NPAS3: variants seen among roughly 807,000 people sequenced by gnomAD.
The protein encoded by NPAS3 is neuronal PAS domain-containing protein 3.
NPAS3 carries 14 observed loss-of-function variants against 73.1 expected under a neutral mutation model. That is an observed-to-expected ratio of 0.19 (90% CI 0.13 to 0.30). The LOEUF (loss-of-function observed/expected upper bound fraction) is 0.30. Ranked by LOEUF, NPAS3 falls within the 10% of genes least tolerant of loss-of-function variation. NPAS3 has a pLI of 1.00. For missense variants in NPAS3, 1,096 were observed against 1,250.0 expected, an observed-to-expected ratio of 0.88 and a Z score of 1.86; for synonymous variants, 620 against 541.5, an observed-to-expected ratio of 1.14 and a Z score of -2.01.
At chr14:33,036,679 T>G (rs1309480844) in intron 1 of NPAS3, among the ~76,000 whole-genome samples, 4 of 152,164 alleles carry the variant, frequency 2.6e-5, no homozygotes, top group Non-Finnish European at 5.9e-5. Context: ...TTAGTCGTCA[T>G]ATAGTATGGA....
chr14:32,941,888 T>C (rs772962981), intron 1 of NPAS3, among the ~76,000 whole-genome samples: 13 of 152,208 alleles, frequency 8.5e-5, no homozygotes, highest in Non-Finnish European at 1.5e-4. Context: ...GGGTTCACTT[T>C]GTTGTCAGGG....
intron 7 of NPAS3, 115 bp downstream of exon 7, chr14:33,735,447 C>A: frequency 2.7e-6 from 2 of 733,732 alleles, no homozygotes; most frequent in Admixed American, 2.0e-5. Context: ...TCTTGAGGAG[C>A]CCATAGGATT....
At chr14:32,982,460 A>G (rs1566430091) in intron 1 of NPAS3, among the ~76,000 whole-genome samples, 1 of 152,150 alleles carries the variant, frequency 6.6e-6, no homozygotes, top group Non-Finnish European at 1.5e-5. Flanking sequence ...CTGTAATCCC[A>G]GCACTTAGGG....
intron 1 of NPAS3, among the ~76,000 whole-genome samples, chr14:33,037,115 A>T (rs2040195340): frequency 6.6e-6 from 1 of 152,198 alleles, no homozygotes; most frequent in Non-Finnish European, 1.5e-5. Context: ...AGTAGGGGAA[A>T]TATAAAAACA....
intron 4 of NPAS3, among the ~76,000 whole-genome samples, chr14:33,400,625 C>G (rs1210972934): frequency 1.3e-5 from 2 of 152,054 alleles, no homozygotes; most frequent in Non-Finnish European, 2.9e-5. Context: ...TTTAGATAAA[C>G]AACATAACCA....
At chr14:33,019,842 T>C (rs903253929) in intron 1 of NPAS3, among the ~76,000 whole-genome samples, 1 of 152,234 alleles carries the variant, frequency 6.6e-6, no homozygotes, top group Admixed American at 6.5e-5. Context: ...TTTGAATAGA[T>C]ATGGAGAATG....
chr14:33,447,148 G>A (rs780616007), intron 4 of NPAS3, among the ~76,000 whole-genome samples: 9 of 152,222 alleles, frequency 5.9e-5, no homozygotes, highest in East Asian at 1.9e-4. Flanking sequence ...GCAAAAGGCC[G>A]TTGGGGCCTA....
chr14:33,200,718 A>G (rs1277501695), intron 2 of NPAS3, among the ~76,000 whole-genome samples: 1 of 152,198 alleles, frequency 6.6e-6, no homozygotes, highest in Non-Finnish European at 1.5e-5. Flanking sequence ...TGAAAGGAAG[A>G]TCTGGCAACT....
intron 1 of NPAS3, among the ~76,000 whole-genome samples, chr14:32,966,519 G>T (rs1198412018): frequency 1.3e-5 from 2 of 152,040 alleles, no homozygotes; most frequent in African/African-American, 4.8e-5. Context: ...AAAACTAGAC[G>T]GTTCTCTCTC....
intron 7 of NPAS3, among the ~76,000 whole-genome samples, chr14:33,753,411 C>T (rs1177160971): frequency 1.3e-5 from 2 of 148,558 alleles, no homozygotes; most frequent in Non-Finnish European, 3.0e-5. Flanking sequence ...CTCAAAAGAA[C>T]ATTCCCAAGC....
At chr14:33,757,394 G>A (rs1279479123) in intron 7 of NPAS3, among the ~76,000 whole-genome samples, 1 of 152,164 alleles carries the variant, frequency 6.6e-6, no homozygotes, top group Non-Finnish European at 1.5e-5. Flanking sequence ...GGGGAACTGA[G>A]GCTCATAGAG....
At chr14:33,018,974 T>A (rs990321645) in intron 1 of NPAS3, among the ~76,000 whole-genome samples, 2 of 152,214 alleles carry the variant, frequency 1.3e-5, no homozygotes, top group Non-Finnish European at 1.5e-5. Context: ...CTACTTGATA[T>A]GTATCAAATA....
chr14:33,039,804 C>A (rs188001864), intron 1 of NPAS3, among the ~76,000 whole-genome samples: 49 of 152,346 alleles, frequency 3.2e-4, no homozygotes, highest in Non-Finnish European at 2.8e-4. Flanking sequence ...CATGTGCAGA[C>A]TGCACACAGG....
At chr14:33,731,755 C>T (rs933108224) in intron 6 of NPAS3, among the ~76,000 whole-genome samples, 2 of 152,162 alleles carry the variant, frequency 1.3e-5, no homozygotes, top group African/African-American at 4.8e-5. Flanking sequence ...GTAAATTTTC[C>T]TGTAAATTTT....
intron 4 of NPAS3, among the ~76,000 whole-genome samples, chr14:33,369,139 A>T (rs2140426696): frequency 6.6e-6 from 1 of 152,238 alleles, no homozygotes; most frequent in East Asian, 1.9e-4. Flanking sequence ...ATTATACTTC[A>T]TTGAGAGAAC....
intron 4 of NPAS3, among the ~76,000 whole-genome samples, chr14:33,442,708 A>G (rs1233000011): frequency 1.3e-5 from 2 of 152,242 alleles, no homozygotes; most frequent in African/African-American, 4.8e-5. Flanking sequence ...AGGCCTCCCC[A>G]GCCATACTGA....
rs377248520 is a variant in NPAS3 at position 33,500,485 on chromosome 14, A to T, written c.469-59636A>T. Among the ~76,000 whole-genome samples the T allele has an allele frequency of 3.7e-4, 56 of 152,028 alleles. 1 individual carries two copies. The highest frequency in any genetic ancestry group is 1.3e-3 in the African/African-American group (56 of 41,540). On this transcript the variant is annotated intron_variant, in intron 4 of 11. Transcript: ENST00000356141. ...GATGAATCGGGTGTGGTTTTTAAGT[A>T]ACATGAAGATGACCCAAATGATCTG... is the stretch of plus-strand genomic sequence containing the variant.
At chr14:33,762,232 G>A (rs2062316840) in intron 7 of NPAS3, among the ~76,000 whole-genome samples, 1 of 151,808 alleles carries the variant, frequency 6.6e-6, no homozygotes, top group Non-Finnish European at 1.5e-5. Flanking sequence ...TTGTATGTAG[G>A]TTTGTATTAA....
At chr14:33,583,774 C>A (rs745939738) in intron 5 of NPAS3, among the ~76,000 whole-genome samples, 1 of 152,174 alleles carries the variant, frequency 6.6e-6, no homozygotes, top group Non-Finnish European at 1.5e-5. Context: ...CTAAGTGTAG[C>A]AATTTAAGAA....
Sources: allele counts gnomAD v4.1 joint callset (sites outside exome capture counted in the v4.1 genomes callset), GRCh38; gene constraint gnomAD v4.1.1; transcripts MANE v1.5; gene names NCBI Gene and HGNC (gene_info 2026-07-23, HGNC 2026-07-21).